The following GALNT17 variants were observed in gnomAD, a reference collection of about 807,000 sequenced individuals.
The protein encoded by GALNT17 is UDP-GalNAc:polypeptide N-acetylgalactosaminyltransferase-like 3.
In GALNT17, 29 loss-of-function variants were observed where a neutral mutation model predicts 63.7. That is an observed-to-expected ratio of 0.46 (90% CI 0.34 to 0.62). The LOEUF is 0.62. Ranked by LOEUF, GALNT17 falls within the 20% of genes least tolerant of loss-of-function variation. The pLI, the probability that GALNT17 is intolerant of heterozygous loss-of-function variation, is 0.01. For synonymous variants in GALNT17, 305 were observed against 318.3 expected (o/e 0.96, Z 0.45); for missense variants, 603 against 799.6 (o/e 0.75, Z 2.97).
intron 5 of GALNT17, among the ~76,000 whole-genome samples, chr7:71,467,191 G>A (rs1317056112): frequency 6.6e-6 from 1 of 152,152 alleles, no homozygotes; most frequent in Non-Finnish European, 1.5e-5. Context: ...TTCAAGTTAT[G>A]CCTGGGAACA....
intron 1 of GALNT17, among the ~76,000 whole-genome samples, chr7:71,258,682 A>G (rs1287055644): frequency 6.6e-6 from 1 of 152,100 alleles, no homozygotes; most frequent in African/African-American, 2.4e-5. Context: ...AGAGAGGATG[A>G]TATTTATGCT....
At chr7:71,142,509 AG>A (rs1475395216) in intron 1 of GALNT17, among the ~76,000 whole-genome samples, 1 of 152,238 alleles carries the variant, frequency 6.6e-6, no homozygotes, top group African/African-American at 2.4e-5. Flanking sequence ...CATATCCGTT[AG>A]TGAGCACTTC....
chr7:71,395,764 G>A (rs533733977), intron 3 of GALNT17, among the ~76,000 whole-genome samples: 34 of 152,154 alleles, frequency 2.2e-4, no homozygotes, highest in Middle Eastern at 6.8e-3. Context: ...CTTGACAATT[G>A]TTACTTTTTT....
intron 9 of GALNT17, among the ~76,000 whole-genome samples, chr7:71,678,494 A>G (rs1791185176): frequency 6.6e-6 from 1 of 151,666 alleles, no homozygotes; most frequent in Non-Finnish European, 1.5e-5. Flanking sequence ...CCTGGACAAC[A>G]TGGCAAAACC....
At chr7:71,593,809 C>T (rs1324735419) in intron 6 of GALNT17, among the ~76,000 whole-genome samples, 10 of 152,206 alleles carry the variant, frequency 6.6e-5, no homozygotes, top group Admixed American at 6.5e-4. Flanking sequence ...TTTAGAAATA[C>T]AGCTTTGTGC....
intron 1 of GALNT17, among the ~76,000 whole-genome samples, chr7:71,297,656 CAT>C (rs1355149020): frequency 2.6e-5 from 4 of 152,154 alleles, no homozygotes; most frequent in African/African-American, 9.7e-5. Context: ...CAGCCTTTCT[CAT>C]AATAGCTCCA....
In GALNT17 at chr7:71,212,009, G is replaced by A. The variant is rs145273641; in HGVS notation, c.238+78969G>A. On this transcript the variant is annotated intron_variant, in intron 1 of 10. Transcript: ENST00000333538. ...AAATTCAAGGCAGCTGCAGAAATTT[G>A]CATAAGAAGCAAGGAGCCTAATGTT... Among the ~76,000 whole-genome samples the A allele has an allele frequency of 1.4e-4, 22 of 152,310 alleles. 1 individual carries two copies. In the East Asian group the frequency reaches 3.5e-3, roughly 24 times the overall value.
intron 5 of GALNT17, among the ~76,000 whole-genome samples, chr7:71,534,382 G>A (rs568071009): frequency 2.6e-5 from 4 of 152,080 alleles, no homozygotes; most frequent in East Asian, 1.9e-4. Context: ...GGCAGATCAC[G>A]AGGTCAGGAG....
Position 71,132,777 on chromosome 7 carries a change from G to A in GALNT17, c.-26G>A, listed in dbSNP as rs918938902. 1.9e-6 allele frequency: 3 copies of A among 1,564,932 alleles called. No individual in the cohort carries two copies. The highest frequency in any genetic ancestry group is 1.2e-5 in the South Asian group (1 of 86,100). On this transcript the variant is annotated 5_prime_UTR_variant, in exon 1 of 11. Transcript: ENST00000333538. Reference sequence around the variant, plus strand: ...CCGGAGCCCGAGGGGGCGCAGGTCCGGGGCGAGGGCCGGCCGGGCTGTTTG... The same window carrying A: ...CCGGAGCCCGAGGGGGCGCAGGTCCAGGGCGAGGGCCGGCCGGGCTGTTTG...
At chr7:71,191,797 G>A (rs1483829208) in intron 1 of GALNT17, among the ~76,000 whole-genome samples, 1 of 152,138 alleles carries the variant, frequency 6.6e-6, no homozygotes, top group Non-Finnish European at 1.5e-5. Flanking sequence ...GTACCTACGA[G>A]TGGAATTACT....
At chr7:71,513,057 G>A (rs1230446274) in intron 5 of GALNT17, among the ~76,000 whole-genome samples, 1 of 152,152 alleles carries the variant, frequency 6.6e-6, no homozygotes, top group Non-Finnish European at 1.5e-5. Flanking sequence ...GTGTTCTCGG[G>A]TTGATTAAGC....
chr7:71,334,449 AGTG>A (rs34296794), intron 1 of GALNT17, among the ~76,000 whole-genome samples: 1 of 147,818 alleles, frequency 6.8e-6, no homozygotes, highest in Non-Finnish European at 1.5e-5. Context: ...AAATGGATAA[AGTG>A]GTGTGTGTGT....
chr7:71,422,957 C>G (rs142846707), intron 5 of GALNT17, among the ~76,000 whole-genome samples: 2 of 152,252 alleles, frequency 1.3e-5, no homozygotes, highest in East Asian at 1.9e-4. Flanking sequence ...TGCACAGCAG[C>G]CAGACTCTCC....
intron 9 of GALNT17, among the ~76,000 whole-genome samples, chr7:71,686,938 C>A (rs2117087072): frequency 6.6e-6 from 1 of 152,230 alleles, no homozygotes; most frequent in African/African-American, 2.4e-5. Flanking sequence ...CAGCTACTGG[C>A]TGTAATGAGA....
intron 3 of GALNT17, among the ~76,000 whole-genome samples, chr7:71,414,883 C>T (rs969864590): frequency 6.6e-6 from 1 of 152,184 alleles, no homozygotes; most frequent in Non-Finnish European, 1.5e-5. Flanking sequence ...AGCACCCATG[C>T]AGGACATGTA....
intron 6 of GALNT17, among the ~76,000 whole-genome samples, chr7:71,603,085 G>A (rs538817478): frequency 6.6e-6 from 1 of 152,140 alleles, no homozygotes; most frequent in African/African-American, 2.4e-5. Context: ...GCATACACCA[G>A]GTACTATGCT....
intron 2 of GALNT17, among the ~76,000 whole-genome samples, chr7:71,370,182 C>T (rs1470662479): frequency 1.3e-5 from 2 of 152,224 alleles, no homozygotes; most frequent in Non-Finnish European, 2.9e-5. Context: ...AATTGGCATA[C>T]AGCTGGAGCT....
At position 71,664,467 on chromosome 7, in the gene GALNT17, T is replaced by A. The variant is rs151236887; in HGVS notation, c.1081-944T>A. Among the ~76,000 whole-genome samples, 472 of 152,124 alleles carry A rather than the reference T, an allele frequency of 3.1e-3. 1 individual carries two copies. The highest frequency in any genetic ancestry group is 0.011 in the African/African-American group (453 of 41,504). On this transcript the variant is annotated intron_variant, in intron 6 of 10. Coordinates refer to ENST00000333538, the MANE Select transcript of GALNT17 (RefSeq NM_022479.3). ...TCTACAAAAAAATTTAAAAATTAAC[T>A]GGGCATGGAGGCACGTACCTGTAGT...
chr7:71,201,912 C>T (rs965027172), intron 1 of GALNT17, among the ~76,000 whole-genome samples: 8 of 152,306 alleles, frequency 5.3e-5, no homozygotes, highest in South Asian at 2.1e-4. Context: ...GGATTACAGG[C>T]GTGAGCCACT....
Sources: allele counts gnomAD v4.1 joint callset (sites outside exome capture counted in the v4.1 genomes callset), GRCh38; gene constraint gnomAD v4.1.1; transcripts MANE v1.5; gene names NCBI Gene and HGNC (gene_info 2026-07-23, HGNC 2026-07-21).